KIAA0586: variants seen among roughly 807,000 people sequenced by gnomAD.
KIAA0586 encodes KIAA0586, also known as protein TALPID3.
A neutral mutation model predicts 169.8 loss-of-function variants in KIAA0586; 144 were observed. That is an observed-to-expected ratio of 0.85 (90% CI 0.74 to 0.97). The LOEUF is 0.97. Ranked by LOEUF, KIAA0586 falls within the 50% of genes least tolerant of loss-of-function variation. KIAA0586 has a pLI of 0.00. For synonymous variants in KIAA0586, 625 were observed against 612.4 expected (o/e 1.02, Z -0.30); for missense variants, 1,854 against 1,823.0 (o/e 1.02, Z -0.31).
chr14:58,474,651 GGAGTTTAACA>G lies in KIAA0586; in HGVS notation c.2682_2691del (p.Phe895ValfsTer31). 1 of 1,602,648 alleles carries G rather than the reference GGAGTTTAACA, an allele frequency of 6.2e-7. No homozygotes were observed. Among genetic ancestry groups the G allele is most frequent in the Non-Finnish European group, 8.5e-7 (1 of 1,176,840 alleles). Reference sequence around the variant, plus strand: ...AAATTCCAGACTCTGAACCAATTCTGGAGTTTAACAGAAGTGTTAAAGCTGATTCTACAAA... The same window carrying G: ...AAATTCCAGACTCTGAACCAATTCTGGAAGTGTTAAAGCTGATTCTACAAA... On this transcript the variant is annotated frameshift_variant, in exon 19 of 31. Coordinates refer to ENST00000652326, the MANE Select transcript of KIAA0586 (RefSeq NM_001329943.3). LOFTEE classifies it high-confidence loss of function.
chr14:58,432,454 A>C lies in KIAA0586; in HGVS notation c.407A>C (p.Gln136Pro), dbSNP rs761712389. 1.3e-6 allele frequency: 2 copies of C among 1,522,808 alleles called. No homozygotes were observed. Among genetic ancestry groups the C allele is most frequent in the South Asian group, 1.2e-5 (1 of 82,248 alleles). 94.3% of individuals were successfully genotyped at this position (1,522,808 alleles called of 1,614,324 possible). ...QKDALRTVLKQKAQSMPVFKE... is the reference protein window; with the variant it reads ...QKDALRTVLKPKAQSMPVFKE... ...GATGCTCTAAGAACAGTTTTAAAGC[A>C]AAAGTAAGTTTCATTTACAGAAAAT... The change falls in exon 4 of 31, where the codon CAA becomes CCA. Residue 136 changes from glutamine to proline, a missense_variant. Coordinates refer to ENST00000652326, the MANE Select transcript of KIAA0586 (RefSeq NM_001329943.3).
In KIAA0586 at chr14:58,532,326, C is replaced by A. The variant is rs551450043; in HGVS notation, c.4430-7745C>A. Among the ~76,000 whole-genome samples the A allele has an allele frequency of 2.0e-5, 3 of 152,278 alleles. No individual in the cohort carries two copies. In the East Asian group the frequency reaches 5.8e-4, roughly 29 times the overall value. On this transcript the variant is annotated intron_variant, in intron 29 of 30. Coordinates refer to ENST00000652326, the MANE Select transcript of KIAA0586 (RefSeq NM_001329943.3). ...TCACTTCTGTTTCTCTGGCTTACTT[C>A]AGAATTACCTTGCATAGGATGAAAG... is the stretch of plus-strand genomic sequence containing the variant.
chr14:58,442,018 A>T (rs1278967544), intron 4 of KIAA0586: 1 of 152,114 alleles, frequency 6.6e-6, no homozygotes, highest in African/African-American at 2.4e-5. Flanking sequence ...AAAAAAGAAA[A>T]CAATAGTGTT....
intron 29 of KIAA0586, among the ~76,000 whole-genome samples, chr14:58,530,238 A>G (rs2045871904): frequency 1.3e-5 from 2 of 152,248 alleles, no homozygotes; most frequent in Admixed American, 6.5e-5. Flanking sequence ...GATAGGAAGA[A>G]TCAATATTGT....
intron 26 of KIAA0586, among the ~76,000 whole-genome samples, chr14:58,494,181 T>A (rs1432860061): frequency 6.6e-6 from 1 of 151,974 alleles, no homozygotes; most frequent in Non-Finnish European, 1.5e-5. Context: ...TACTTCTGTT[T>A]TTCTTATCCC....
chr14:58,552,752 C>A (rs975111444), downstream of KIAA0586, among the ~76,000 whole-genome samples: 2 of 152,142 alleles, frequency 1.3e-5, no homozygotes, highest in Non-Finnish European at 2.9e-5. Context: ...AATACATGCA[C>A]CCCAGGAGTA....
rs58135754 is a variant in KIAA0586 at position 58,550,833 on chromosome 14, CA to C, written c.*2920del. ...TGGGTGACAGAATGAGACCGTGTCT[CA>C]AAAAAAAAAAAAAAAAAATTGCTGA... On this transcript the variant is annotated 3_prime_UTR_variant, in exon 31 of 31. Transcript: ENST00000652326. The C allele has an allele frequency of 0.16, 15,195 of 93,920 alleles. 966 individuals carry two copies. The highest frequency in any genetic ancestry group is 0.26 in the African/African-American group (7,193 of 27,386). The allele number at this position is 93,920 out of a possible 1,614,324, so 5.8% of individuals were successfully genotyped here. A position where few individuals can be genotyped will look rare whatever the true frequency, so the allele number is the denominator to read the frequency against.
intron 14 of KIAA0586, among the ~76,000 whole-genome samples, chr14:58,462,829 A>C (rs1481550224): frequency 6.6e-6 from 1 of 152,174 alleles, no homozygotes; most frequent in East Asian, 1.9e-4. Flanking sequence ...GAAGGGAAGC[A>C]AGGCATGTCT....
intron 4 of KIAA0586, among the ~76,000 whole-genome samples, chr14:58,439,321 T>G (rs111607379): frequency 2.9e-4 from 44 of 152,206 alleles, no homozygotes; most frequent in African/African-American, 1.0e-3. Context: ...GTAGTAGCTG[T>G]GACTACAGGC....
intron 28 of KIAA0586, among the ~76,000 whole-genome samples, chr14:58,510,152 C>T (rs1180580606): frequency 2.0e-5 from 3 of 152,110 alleles, no homozygotes; most frequent in Admixed American, 6.5e-5. Flanking sequence ...AGGTGGATCA[C>T]GAGGTCAAGA....
chr14:58,476,152 A>G (rs910528566), intron 19 of KIAA0586, among the ~76,000 whole-genome samples: 134 of 152,280 alleles, frequency 8.8e-4, no homozygotes, highest in African/African-American at 3.1e-3. Flanking sequence ...AAAAGCATAC[A>G]TACCAAATTA....
chr14:58,449,302 G>A (rs2039157208), intron 7 of KIAA0586, among the ~76,000 whole-genome samples: 1 of 152,138 alleles, frequency 6.6e-6, no homozygotes, highest in African/African-American at 2.4e-5. Context: ...CAAGGTGAGA[G>A]GATCACTTGA....
At position 58,463,087 on chromosome 14, in the gene KIAA0586, C is replaced by T. The variant is rs1011923027; in HGVS notation, c.2059+1927C>T. Among the ~76,000 whole-genome samples, 7 of 151,060 alleles carry T rather than the reference C, an allele frequency of 4.6e-5. No homozygotes were observed. In the South Asian group the frequency reaches 1.5e-3, roughly 32 times the overall value. ...TATCCTAGGGCCTCAGTACCTGCCA[C>T]TTCCTCTGTCTGGAGAGCTCTTCGT... On this transcript the variant is annotated intron_variant, in intron 14 of 30. Coordinates refer to ENST00000652326, the MANE Select transcript of KIAA0586 (RefSeq NM_001329943.3).
intron 29 of KIAA0586, among the ~76,000 whole-genome samples, chr14:58,530,643 A>C (rs1239277418): frequency 1.3e-5 from 2 of 152,250 alleles, no homozygotes; most frequent in Admixed American, 1.3e-4. Flanking sequence ...AGCCATATGC[A>C]GAAAACTGAA....
the KIAA0586 span, among the ~76,000 whole-genome samples, chr14:58,556,902 C>A: frequency 1.3e-5 from 2 of 152,122 alleles, no homozygotes; most frequent in Non-Finnish European, 2.9e-5. Context: ...TGTGCCACCA[C>A]GCCCGGCTAA....
chr14:58,496,975 ATTTT>A (rs11289825), intron 26 of KIAA0586, among the ~76,000 whole-genome samples: 1 of 122,574 alleles, frequency 8.2e-6, no homozygotes. Context: ...ATTTAAAACA[ATTTT>A]TTTTTTTTTT....
intron 19 of KIAA0586, among the ~76,000 whole-genome samples, chr14:58,475,991 G>A (rs1300353785): frequency 4.6e-5 from 7 of 152,140 alleles, no homozygotes; most frequent in African/African-American, 7.2e-5. Context: ...CCTGCCACTC[G>A]GGAGACTGAG....
chr14:58,440,139 T>TCC (rs1016641290), intron 4 of KIAA0586: 11 of 426,100 alleles, frequency 2.6e-5, no homozygotes, highest in Non-Finnish European at 5.2e-5. Context: ...TGCCTCAGCC[T>TCC]CCCACAGTGC....
chr14:58,449,911 C>T (rs1049338465), intron 7 of KIAA0586, among the ~76,000 whole-genome samples: 1 of 151,898 alleles, frequency 6.6e-6, no homozygotes, highest in Non-Finnish European at 1.5e-5. Flanking sequence ...GTAAATTAAA[C>T]TTTTAATTTT....
Sources: allele counts gnomAD v4.1 joint callset (sites outside exome capture counted in the v4.1 genomes callset), GRCh38; gene constraint gnomAD v4.1.1; transcripts MANE v1.5; gene names NCBI Gene and HGNC (gene_info 2026-07-23, HGNC 2026-07-21).